Variants in ARID1A observed in about 807,000 individuals in gnomAD.
The protein encoded by ARID1A is AT-rich interaction domain 1A, also known as AT-rich interactive domain-containing protein 1A.
Under a neutral mutation model 212.6 loss-of-function variants are expected in ARID1A, and 20 were observed. That is an observed-to-expected ratio of 0.09 (90% CI 0.07 to 0.14). The LOEUF (loss-of-function observed/expected upper bound fraction) is 0.14. ARID1A is among the 10% of genes least tolerant of loss of function. The probability of loss-of-function intolerance (pLI) is 1.00; values close to 1 mark genes in which losing one functional copy is unlikely to be tolerated. For missense variants in ARID1A, 2,587 were observed against 3,059.0 expected (o/e 0.85, Z 3.64); for synonymous variants, 1,376 against 1,222.1 (o/e 1.13, Z -2.63).
At chr1:26,764,499 G>C (rs143968897) in intron 8 of ARID1A, 24 of 152,258 alleles carry the variant, frequency 1.6e-4, no homozygotes, top group African/African-American at 5.8e-4. Flanking sequence ...GTGGTCCTAC[G>C]TGTTGACTCT....
chr1:26,736,687 G>A (rs2080734030), intron 4 of ARID1A, among the ~76,000 whole-genome samples: 1 of 150,224 alleles, frequency 6.7e-6, no homozygotes, highest in Admixed American at 6.6e-5. Flanking sequence ...CAAATCGCCT[G>A]AGGTCTGGAG....
intron 4 of ARID1A, among the ~76,000 whole-genome samples, chr1:26,737,924 G>C (rs1194390993): frequency 6.6e-6 from 1 of 152,036 alleles, no homozygotes; most frequent in Non-Finnish European, 1.5e-5. Flanking sequence ...TTTGTTTCAT[G>C]TGGGGTTTGG....
intron 1 of ARID1A, among the ~76,000 whole-genome samples, chr1:26,720,684 C>T (rs926859507): frequency 5.9e-5 from 9 of 151,872 alleles, no homozygotes; most frequent in Admixed American, 1.3e-4. Context: ...TGAAGAACAG[C>T]CTGGGAACAT....
At chr1:26,710,942 C>T (rs1447977106) in intron 1 of ARID1A, among the ~76,000 whole-genome samples, 1 of 152,160 alleles carries the variant, frequency 6.6e-6, no homozygotes, top group East Asian at 1.9e-4. Flanking sequence ...GTGGCTTAAA[C>T]AACAAACATT....
chr1:26,755,674 G>C (rs991739759), intron 4 of ARID1A, among the ~76,000 whole-genome samples: 2 of 152,122 alleles, frequency 1.3e-5, no homozygotes, highest in African/African-American at 4.8e-5. Context: ...TTTTTTAACT[G>C]AAAGTGTGGC....
Position 26,774,830 on chromosome 1 carries a change from A to G in ARID1A, c.4603A>G (p.Thr1535Ala), listed in dbSNP as rs2124120851. The change falls in exon 18 of 20, where the codon ACA becomes GCA. Residue 1535 changes from threonine (T) to alanine (A), a missense_variant. Coordinates refer to ENST00000324856, the MANE Select transcript of ARID1A (RefSeq NM_006015.6). The surrounding 1 kb of genome is among the most constrained non-coding windows in gnomAD (Gnocchi z 5.6). Reference protein sequence around the residue: ...GVNRTDEMLHTDQRANHEGSW... With the variant: ...GVNRTDEMLHADQRANHEGSW... ...GAACCGAACAGATGAAATGCTGCAC[A>G]CAGATCAGAGGGCCAACCACGAAGG... The G allele has an allele frequency of 1.2e-6, 2 of 1,613,218 alleles. No individual in the cohort carries two copies. The highest frequency in any genetic ancestry group is 8.5e-7 in the Non-Finnish European group (1 of 1,179,404).
Position 26,697,409 on chromosome 1 carries a change from T to C in ARID1A, c.1006T>C (p.Cys336Arg), listed in dbSNP as rs2124744736. 1 of 1,348,662 alleles carries C rather than the reference T, an allele frequency of 7.4e-7. No individual in the cohort carries two copies. The allele number at this position is 1,348,662 out of a possible 1,614,324, so 83.5% of individuals were successfully genotyped here. The change falls in exon 1 of 20, where the codon TGT becomes CGT. Residue 336 changes from cysteine (C) to arginine (R), a missense_variant. Physicochemically the swap from Cys to Arg is radical, Grantham distance 180. Coordinates refer to ENST00000324856, the MANE Select transcript of ARID1A (RefSeq NM_006015.6). Reference sequence around the variant, plus strand: ...GGGCCCGGCGGACATGGCCTCGCAGTGTTGGGGGGCTGCGGCGGCGGCAGC... The same window carrying C: ...GGGCCCGGCGGACATGGCCTCGCAGCGTTGGGGGGCTGCGGCGGCGGCAGC... ...GKGPADMASQ[C>R]WGAAAAAAAA... is the part of the protein sequence containing the mutation.
chr1:26,737,865 CAAA>C (rs112529489), intron 4 of ARID1A, among the ~76,000 whole-genome samples: 1 of 118,016 alleles, frequency 8.5e-6, no homozygotes. Flanking sequence ...AACTCCGTCT[CAAA>C]AAAAAAAAAA....
At chr1:26,756,285 G>T (rs1301052982) in intron 4 of ARID1A, among the ~76,000 whole-genome samples, 1 of 151,984 alleles carries the variant, frequency 6.6e-6, no homozygotes, top group Non-Finnish European at 1.5e-5. Flanking sequence ...GCCAGGCGTG[G>T]TGGCTCATGC....
chr1:26,770,840 C>G lies in ARID1A; in HGVS notation c.3199-279C>G, dbSNP rs1194502859. The G allele has an allele frequency of 7.1e-6, 3 of 421,524 alleles. No homozygotes were observed. The Admixed American group carries it at 1.2e-4, about 17-fold the overall frequency. The allele number at this position is 421,524 out of a possible 1,614,324, so 26.1% of individuals were successfully genotyped here. On this transcript the variant is annotated intron_variant, in intron 11 of 19. Coordinates refer to ENST00000324856, the MANE Select transcript of ARID1A (RefSeq NM_006015.6). Reference sequence around the variant, plus strand: ...CACTTTTTAGCAGCGTACTAAAAAACCGGACTCTGAATTCTGTTCCAGTAG... The same window carrying G: ...CACTTTTTAGCAGCGTACTAAAAAAGCGGACTCTGAATTCTGTTCCAGTAG...
At chr1:26,700,700 A>G (rs928431876) in intron 1 of ARID1A, among the ~76,000 whole-genome samples, 5 of 152,232 alleles carry the variant, frequency 3.3e-5, no homozygotes, top group Non-Finnish European at 7.3e-5. Flanking sequence ...ACATCAAATG[A>G]TATTTCTGAC....
At position 26,697,120 on chromosome 1, in the gene ARID1A, G is replaced by A. The variant is rs1553146083; in HGVS notation, c.717G>A (p.Pro239=). The A allele has an allele frequency of 1.4e-6, 2 of 1,443,452 alleles. No homozygotes were observed. The highest frequency in any genetic ancestry group is 1.5e-5 in the South Asian group (1 of 67,464). 89.4% of individuals were successfully genotyped at this position (1,443,452 alleles called of 1,614,324 possible). ...TGAGCTCCCCGAGAGGTGGCACTCC[G>A]GGCTCCGGCGCGGCGGCGGCTGCCG... ...YALSSPRGGT[P]GSGAAAAAGS... Residue 239 remains proline, a synonymous_variant, in exon 1 of 20, where the codon CCG becomes CCA. Coordinates refer to ENST00000324856, the MANE Select transcript of ARID1A (RefSeq NM_006015.6).
At position 26,712,182 on chromosome 1, in the gene ARID1A, G is replaced by T. The variant is rs756186854; in HGVS notation, c.1137+14642G>T. Among the ~76,000 whole-genome samples, 11 of 152,290 alleles carry T rather than the reference G, an allele frequency of 7.2e-5. No individual in the cohort carries two copies. In the South Asian group the frequency reaches 1.7e-3, roughly 23 times the overall value. Reference sequence around the variant, plus strand: ...TGATTCTTGAAAATGCCACTTAAAGGTCAGTGTTGGAGCACTAATTAAATG... The same window carrying T: ...TGATTCTTGAAAATGCCACTTAAAGTTCAGTGTTGGAGCACTAATTAAATG... On this transcript the variant is annotated intron_variant, in intron 1 of 19. Transcript: ENST00000324856.
rs761161978 is a variant in ARID1A at position 26,779,919 on chromosome 1, G to A, written c.6021G>A (p.Leu2007=). Residue 2007 remains leucine (L), a synonymous_variant, in exon 20 of 20, where the codon CTG becomes CTA. Coordinates refer to ENST00000324856, the MANE Select transcript of ARID1A (RefSeq NM_006015.6). The part of the protein sequence containing the change: ...NDFEMSKHPG[L]LLILGKLILL... The stretch of plus-strand genomic sequence containing the variant: ...TTGAGATGTCCAAACACCCAGGGCT[G>A]CTGCTCATCCTGGGCAAGCTGATCC... 1 of 1,614,194 alleles carries A rather than the reference G, an allele frequency of 6.2e-7. No homozygotes were observed. Among genetic ancestry groups the A allele is most frequent in the Admixed American group, 1.7e-5 (1 of 60,026 alleles).
chr1:26,757,327 G>A (rs559710465), intron 4 of ARID1A, among the ~76,000 whole-genome samples: 3 of 145,450 alleles, frequency 2.1e-5, no homozygotes, highest in African/African-American at 5.1e-5. Flanking sequence ...AAAATTAGCC[G>A]GGCATGGTGG....
At chr1:26,745,925 CTTGTAA>C (rs2080831877) in intron 4 of ARID1A, among the ~76,000 whole-genome samples, 1 of 152,172 alleles carries the variant, frequency 6.6e-6, no homozygotes, top group South Asian at 2.1e-4. Context: ...GTGGCATGTG[CTTGTAA>C]TCCCAGCTAC....
At chr1:26,722,862 CTG>C (rs1201219133) in intron 1 of ARID1A, among the ~76,000 whole-genome samples, 1 of 152,050 alleles carries the variant, frequency 6.6e-6, no homozygotes. Flanking sequence ...AGTGTTGTCT[CTG>C]TTGAGGCCAA....
Position 26,780,827 on chromosome 1 carries a change from T to G in ARID1A, c.*71T>G, listed in dbSNP as rs2081185958. The G allele has an allele frequency of 6.7e-7, 1 of 1,498,956 alleles. No individual in the cohort carries two copies. The highest frequency in any genetic ancestry group is 2.3e-5 in the East Asian group (1 of 43,762). The allele number at this position is 1,498,956 out of a possible 1,614,324, so 92.9% of individuals were successfully genotyped here. A position where few individuals can be genotyped will look rare whatever the true frequency, so the allele number is the denominator to read the frequency against. The stretch of plus-strand genomic sequence containing the variant: ...AGAACTTAGAAACTGACTGTTGCCC[T>G]TTATTTATGCAAAACCACCTCAGAA... On this transcript the variant is annotated 3_prime_UTR_variant, in exon 20 of 20. Coordinates refer to ENST00000324856, the MANE Select transcript of ARID1A (RefSeq NM_006015.6). This position sits in a 1 kb window ranked among gnomAD's most constrained non-coding sequence, Gnocchi z 7.2.
rs2124085884 is a variant in ARID1A at position 26,767,796 on chromosome 1, A to C, written c.2995A>C (p.Ser999Arg). 6.2e-7 allele frequency: 1 copy of C among 1,612,914 alleles called. No homozygotes were observed. Among genetic ancestry groups the C allele is most frequent in the Non-Finnish European group, 8.5e-7 (1 of 1,179,326 alleles). Residue 999 changes from serine (S) to arginine (R), a missense_variant, in exon 11 of 20, where the codon AGT becomes CGT. By Grantham distance (110) the Ser-to-Arg change is moderately radical. This residue lies in a region of ARID1A where 674 missense variants were observed against 813.4 expected (regional missense o/e 0.83). Transcript: ENST00000324856. Reference protein sequence around the residue: ...PKTESKSKKSSSSTTTNEKIT... With the variant: ...PKTESKSKKSRSSTTTNEKIT... ...TTTGACCTGAACCTTCCAGAAATCCAGTTCTTCTACTACAACCAATGAGAA... is the reference window on the plus strand; with the variant it reads ...TTTGACCTGAACCTTCCAGAAATCCCGTTCTTCTACTACAACCAATGAGAA...
Sources: allele counts gnomAD v4.1 joint callset (sites outside exome capture counted in the v4.1 genomes callset), GRCh38; gene constraint gnomAD v4.1.1; regional missense constraint gnomAD v4.1.1; non-coding constraint Gnocchi (gnomAD v3.1); transcripts MANE v1.5; gene names NCBI Gene and HGNC (gene_info 2026-07-23, HGNC 2026-07-21).